Variants in TRPM3 observed in about 807,000 individuals in gnomAD.
The protein encoded by TRPM3 is long transient receptor potential channel 3.
In TRPM3, 77 loss-of-function variants were observed where a neutral mutation model predicts 181.2. That is an observed-to-expected ratio of 0.42 (90% CI 0.35 to 0.51). The LOEUF (loss-of-function observed/expected upper bound fraction) is 0.51, where lower values mean the gene tolerates loss of function less well. Among genes scored for constraint, TRPM3 ranks in the 20% least tolerant of loss-of-function variants. TRPM3 has a pLI of 0.01. For synonymous variants in TRPM3, 745 were observed against 796.4 expected, an observed-to-expected ratio of 0.94 and a Z score of 1.09; for missense variants, 1,759 against 2,196.7, an observed-to-expected ratio of 0.80 and a Z score of 3.98.
chr9:71,248,676 C>T lies in TRPM3; in HGVS notation c.183+197977G>A, dbSNP rs151169108. Among the ~76,000 whole-genome samples the T allele has an allele frequency of 6.2e-3, 943 of 152,274 alleles. 13 individuals carry two copies. The highest frequency in any genetic ancestry group is 0.021 in the African/African-American group (893 of 41,550). On this transcript the variant is annotated intron_variant, in intron 1 of 24. Coordinates refer to the TRPM3 transcript ENST00000357533. ...CTTTTCCAGCTATTCACAACTTACT[C>T]TTGTTGTCTGCTTGATCTTCCCAGT... is the stretch of plus-strand genomic sequence containing the variant.
intron 1 of TRPM3, among the ~76,000 whole-genome samples, chr9:71,095,801 G>A (rs541207885): frequency 3.4e-4 from 51 of 149,078 alleles, no homozygotes; most frequent in Non-Finnish European, 5.8e-4. Context: ...AGAAAAAAGA[G>A]AGAAAGAGAG....
chr9:71,234,051 G>A (rs545628553), intron 1 of TRPM3, among the ~76,000 whole-genome samples: 75 of 152,252 alleles, frequency 4.9e-4, no homozygotes, highest in African/African-American at 1.7e-3. Context: ...GAGCAGTTTG[G>A]CTGTGTGGTT....
chr9:71,098,014 A>C (rs925672736), intron 1 of TRPM3, among the ~76,000 whole-genome samples: 5 of 152,158 alleles, frequency 3.3e-5, no homozygotes, highest in Non-Finnish European at 5.9e-5. Flanking sequence ...GAGGAAAAGA[A>C]AAGGATGCAA....
chr9:70,911,382 C>G (rs2096536064), intron 1 of TRPM3, among the ~76,000 whole-genome samples: 1 of 152,164 alleles, frequency 6.6e-6, no homozygotes, highest in African/African-American at 2.4e-5. Context: ...TTTCATTTAT[C>G]TTATTCTATA....
chr9:71,411,797 C>T (rs2093554745), intron 1 of TRPM3, among the ~76,000 whole-genome samples: 1 of 152,178 alleles, frequency 6.6e-6, no homozygotes, highest in Non-Finnish European at 1.5e-5. Flanking sequence ...CAAGACAATA[C>T]TAAGCAAAAA....
At chr9:70,596,327 C>T (rs1057029360) in intron 21 of TRPM3, among the ~76,000 whole-genome samples, 4 of 152,044 alleles carry the variant, frequency 2.6e-5, no homozygotes, top group Non-Finnish European at 4.4e-5. Context: ...TAAGAAAAGT[C>T]GTGATTATTT....
intron 1 of TRPM3, among the ~76,000 whole-genome samples, chr9:71,398,316 G>A (rs1281245827): frequency 6.6e-6 from 1 of 152,148 alleles, no homozygotes. Flanking sequence ...TATAAAATAG[G>A]ATTAATACAC....
chr9:71,250,292 C>T (rs568318702), intron 1 of TRPM3, among the ~76,000 whole-genome samples: 6 of 152,100 alleles, frequency 3.9e-5, no homozygotes, highest in East Asian at 1.9e-4. Flanking sequence ...AAGTTGGGAT[C>T]GTAAGTTTTT....
intron 1 of TRPM3, among the ~76,000 whole-genome samples, chr9:70,959,920 C>G (rs2097120607): frequency 1.3e-5 from 2 of 152,252 alleles, no homozygotes; most frequent in Admixed American, 1.3e-4. Flanking sequence ...CTGATCTCAT[C>G]TTAATTGCTT....
chr9:71,319,719 T>C (rs767962815), intron 1 of TRPM3, among the ~76,000 whole-genome samples: 6 of 152,088 alleles, frequency 3.9e-5, no homozygotes, highest in African/African-American at 7.2e-5. Context: ...ATTAAATTAA[T>C]ATAATATTAT....
chr9:70,790,600 C>A (rs1277683785), intron 6 of TRPM3, among the ~76,000 whole-genome samples: 1 of 152,116 alleles, frequency 6.6e-6, no homozygotes, highest in Non-Finnish European at 1.5e-5. Flanking sequence ...CAAATTAATA[C>A]CTACTTGAGA....
intron 1 of TRPM3, among the ~76,000 whole-genome samples, chr9:70,873,477 C>T (rs577271682): frequency 6.6e-6 from 1 of 152,130 alleles, no homozygotes; most frequent in South Asian, 2.1e-4. Context: ...CTGTACAAAT[C>T]TTCGTACACT....
At chr9:70,620,053 C>G (rs2063412480) in intron 16 of TRPM3, 23 bp downstream of exon 16, 1 of 1,586,892 alleles carries the variant, frequency 6.3e-7, no homozygotes, top group South Asian at 1.2e-5. Context: ...CCCTGACCAG[C>G]CCATTTTGCT....
At chr9:71,323,539 A>G (rs2089430728) in intron 1 of TRPM3, among the ~76,000 whole-genome samples, 1 of 152,002 alleles carries the variant, frequency 6.6e-6, no homozygotes, top group Non-Finnish European at 1.5e-5. Flanking sequence ...TTCCACCCAA[A>G]ACTGCTAAAT....
At chr9:71,286,033 AG>A (rs113178794) in intron 1 of TRPM3, among the ~76,000 whole-genome samples, 33,563 of 151,840 alleles carry the variant, frequency 0.22, 4,095 homozygotes, top group African/African-American at 0.3. Context: ...TTTCAGGGAA[AG>A]AAAAAAGTGA....
intron 9 of TRPM3, among the ~76,000 whole-genome samples, chr9:70,641,808 G>C (rs1233313826): frequency 6.6e-6 from 1 of 152,182 alleles, no homozygotes; most frequent in African/African-American, 2.4e-5. Context: ...CAGCTGGAGG[G>C]GAAGCTGGAA....
chr9:71,131,900 C>T (rs975176506), intron 1 of TRPM3, among the ~76,000 whole-genome samples: 1 of 152,170 alleles, frequency 6.6e-6, no homozygotes, highest in African/African-American at 2.4e-5. Flanking sequence ...TCAATTGCCA[C>T]TCATTAAAAA....
intron 1 of TRPM3, among the ~76,000 whole-genome samples, chr9:71,396,402 G>A (rs1250406442): frequency 1.3e-5 from 2 of 151,558 alleles, no homozygotes; most frequent in South Asian, 2.1e-4. Context: ...GAGTCCAAAA[G>A]GTGACACGAT....
intron 1 of TRPM3, among the ~76,000 whole-genome samples, chr9:71,137,243 C>CA (rs1565265166): frequency 1.3e-5 from 2 of 152,004 alleles, no homozygotes; most frequent in Admixed American, 6.6e-5. Flanking sequence ...GGTACTTCTT[C>CA]AAAAAAATAA....
Sources: gnomAD v4.1 joint callset for allele counts (sites outside exome capture counted in the v4.1 genomes callset) on GRCh38, gnomAD v4.1.1 for gene constraint, MANE v1.5 for transcripts, NCBI Gene and HGNC (gene_info 2026-07-23, HGNC 2026-07-21) for gene names.